Variants in AHCYL2 observed in about 807,000 individuals in gnomAD.
AHCYL2 encodes adenosylhomocysteinase like 2.
A neutral mutation model predicts 81.4 loss-of-function variants in AHCYL2; 28 were observed. That is an observed-to-expected ratio of 0.34 (90% CI 0.25 to 0.47). AHCYL2 has a LOEUF of 0.47. Among genes scored for constraint, AHCYL2 ranks in the 20% least tolerant of loss-of-function variants. The pLI is 1.00. For synonymous variants in AHCYL2, 272 were observed against 290.2 expected (o/e 0.94, Z 0.64); for missense variants, 551 against 785.1 (o/e 0.70, Z 3.56).
At position 129,300,128 on chromosome 7, in the gene AHCYL2, A is replaced by G. The variant is rs142750625; in HGVS notation, c.363+74689A>G. Among the ~76,000 whole-genome samples, 343 of 152,300 alleles carry G rather than the reference A, an allele frequency of 2.3e-3. 2 individuals carry two copies. The highest frequency in any genetic ancestry group is 8.0e-3 in the African/African-American group (333 of 41,564). ...AATGAGGGTATCTATCAACTCAACC[A>G]TTTATCATATTACAATCCTATTATA... On this transcript the variant is annotated intron_variant, in intron 1 of 16. Transcript: ENST00000325006.
chr7:129,301,364 G>C (rs1797250931), intron 1 of AHCYL2, among the ~76,000 whole-genome samples: 1 of 152,024 alleles, frequency 6.6e-6, no homozygotes. Flanking sequence ...TTTTTAACTT[G>C]ATGTGATCTG....
intron 1 of AHCYL2, among the ~76,000 whole-genome samples, chr7:129,312,101 A>G (rs1797678250): frequency 6.6e-6 from 1 of 152,112 alleles, no homozygotes; most frequent in Middle Eastern, 3.4e-3. Flanking sequence ...CAGTCCTCCC[A>G]CCTCAGCCTC....
intron 1 of AHCYL2, among the ~76,000 whole-genome samples, chr7:129,327,700 G>T (rs1161139020): frequency 6.6e-6 from 1 of 152,136 alleles, no homozygotes; most frequent in Non-Finnish European, 1.5e-5. Flanking sequence ...TTCTGACCCG[G>T]TGATCCACCC....
intron 1 of AHCYL2, among the ~76,000 whole-genome samples, chr7:129,267,608 A>G (rs1289075614): frequency 6.6e-6 from 1 of 152,116 alleles, no homozygotes; most frequent in Non-Finnish European, 1.5e-5. Context: ...CCCCTCCCCA[A>G]GCCTTATTAG....
intron 1 of AHCYL2, among the ~76,000 whole-genome samples, chr7:129,334,260 G>C (rs1798517741): frequency 6.6e-6 from 1 of 152,232 alleles, no homozygotes; most frequent in Non-Finnish European, 1.5e-5. Flanking sequence ...AATCTGGGCT[G>C]TGGGAAGATG....
At chr7:129,366,508 G>A (rs903222405) in intron 1 of AHCYL2, among the ~76,000 whole-genome samples, 3 of 152,150 alleles carry the variant, frequency 2.0e-5, no homozygotes, top group Non-Finnish European at 4.4e-5. Flanking sequence ...TTGGCCAGGC[G>A]TGCTGGCTCA....
chr7:129,392,282 A>C (rs1319061128), intron 4 of AHCYL2, among the ~76,000 whole-genome samples: 1 of 152,212 alleles, frequency 6.6e-6, no homozygotes, highest in Non-Finnish European at 1.5e-5. Flanking sequence ...AAAATACCTT[A>C]GACTGGGTAA....
intron 3 of AHCYL2, 63 bp downstream of exon 3, chr7:129,389,262 C>G: frequency 6.3e-7 from 1 of 1,589,912 alleles, no homozygotes; most frequent in Admixed American, 1.7e-5. Context: ...ATATTAATCC[C>G]TTTTTATGTC....
chr7:129,403,690 C>T (rs1330998574), intron 7 of AHCYL2, among the ~76,000 whole-genome samples: 1 of 151,480 alleles, frequency 6.6e-6, no homozygotes, highest in East Asian at 1.9e-4. Context: ...GGTGAAACCC[C>T]GTCTCTACTA....
In AHCYL2 at chr7:129,349,691, C is replaced by G. The variant is rs975860943; in HGVS notation, c.364-29947C>G. ...AAAAAAAGCGTATGCCAACCTGATT[C>G]CATATAGAACAGCCATGGTTTATTT... On this transcript the variant is annotated intron_variant, in intron 1 of 16. Coordinates refer to ENST00000325006, the MANE Select transcript of AHCYL2 (RefSeq NM_015328.4). 1.4e-4 allele frequency among the ~76,000 whole-genome samples: 20 copies of G among 146,840 alleles called. 1 individual carries two copies. Among genetic ancestry groups the G allele is most frequent in the Middle Eastern group, 7.5e-3 (2 of 268 alleles).
chr7:129,273,321 C>CTTTTTTTTTTTTTTT (rs35236990), intron 1 of AHCYL2, among the ~76,000 whole-genome samples: 3 of 75,888 alleles, frequency 4.0e-5, no homozygotes, highest in Non-Finnish European at 6.7e-5. Flanking sequence ...TTTGCTAAGA[C>CTTTTTTTTTTTTTTT]TTTTTTTTTT....
rs559772076 is a variant in AHCYL2 at position 129,340,133 on chromosome 7, AGGAT to A, written c.364-39502_364-39499del. 9.7e-3 allele frequency among the ~76,000 whole-genome samples: 1,413 copies of A among 145,552 alleles called. 12 individuals are homozygous for A. Among genetic ancestry groups the A allele is most frequent in the Non-Finnish European group, 0.015 (1,015 of 66,154 alleles). On this transcript the variant is annotated intron_variant, in intron 1 of 16. Coordinates refer to ENST00000325006, the MANE Select transcript of AHCYL2 (RefSeq NM_015328.4). The stretch of plus-strand genomic sequence containing the variant: ...GAGGCAGGGTTTCACCGTGTTAGCC[AGGAT>A]GGTCTCGATCTCCTGACCTTGTGAT...
Position 129,379,716 on chromosome 7 carries a change from A to G in AHCYL2, c.442A>G (p.Ile148Val). 1 of 1,614,120 alleles carries G rather than the reference A, an allele frequency of 6.2e-7. No homozygotes were observed. The highest frequency in any genetic ancestry group is 8.5e-7 in the Non-Finnish European group (1 of 1,180,016). The change falls in exon 2 of 17, where the codon ATT becomes GTT. Residue 148 changes from isoleucine (I) to valine (V), a missense_variant. Physicochemically the swap from Ile to Val is conservative, Grantham distance 29. Around this residue, in one of 2 missense-constraint regions of AHCYL2, gnomAD observed 235 missense variants for 242.1 expected, o/e 0.97. Coordinates refer to ENST00000325006, the MANE Select transcript of AHCYL2 (RefSeq NM_015328.4). Reference sequence around the variant, plus strand: ...TGGACGTCGCTCTTTGTCTCGTTCCATTTCTCAGTCATCTACTGACAGCTA... The same window carrying G: ...TGGACGTCGCTCTTTGTCTCGTTCCGTTTCTCAGTCATCTACTGACAGCTA... ...KIGRRSLSRSISQSSTDSYSS... is the reference protein window; with the variant it reads ...KIGRRSLSRSVSQSSTDSYSS...
chr7:129,325,416 A>G (rs1184397889), intron 1 of AHCYL2, among the ~76,000 whole-genome samples: 2 of 152,062 alleles, frequency 1.3e-5, no homozygotes, highest in Non-Finnish European at 1.5e-5. Flanking sequence ...TCATTTGCAC[A>G]TAATGTGGGG....
At chr7:129,301,007 T>C (rs1464830972) in intron 1 of AHCYL2, among the ~76,000 whole-genome samples, 2 of 152,088 alleles carry the variant, frequency 1.3e-5, no homozygotes, top group Admixed American at 6.5e-5. Flanking sequence ...TTAGTGAAGA[T>C]GTGGTTTCAC....
Position 129,397,267 on chromosome 7 carries a change from G to A in AHCYL2, c.766G>A (p.Ala256Thr). ...LGALGAQCRWAACNIYSTLNE... is the reference protein window; with the variant it reads ...LGALGAQCRWTACNIYSTLNE... ...TGCTCTGGGGGCCCAGTGCCGATGG[G>A]CTGCCTGCAACATCTATTCCACTCT... The change falls in exon 5 of 17, where the codon GCT becomes ACT. Residue 256 changes from alanine (A) to threonine (T), a missense_variant. Coordinates refer to ENST00000325006, the MANE Select transcript of AHCYL2 (RefSeq NM_015328.4). 1.2e-6 allele frequency: 2 copies of A among 1,614,128 alleles called. No individual in the cohort carries two copies. The highest frequency in any genetic ancestry group is 1.1e-5 in the South Asian group (1 of 91,076).
intron 13 of AHCYL2, among the ~76,000 whole-genome samples, chr7:129,424,280 A>G (rs1219918910): frequency 1.3e-5 from 2 of 151,936 alleles, no homozygotes; most frequent in Non-Finnish European, 2.9e-5. Flanking sequence ...CACACCTGTG[A>G]TCCCAGTTAC....
Position 129,426,390 on chromosome 7 carries a change from C to T in AHCYL2, c.1709-53C>T. On this transcript the variant is annotated intron_variant, in intron 15 of 16. Transcript: ENST00000325006. The surrounding 1 kb of genome is among the most constrained non-coding windows in gnomAD (Gnocchi z 4.3). ...TAAGGCCTAGCTTGGGGACAATAGC[C>T]ATCAGATAAAAGGCATGAATGCTTA... 6.2e-7 allele frequency: 1 copy of T among 1,613,706 alleles called. No homozygotes were observed. Among genetic ancestry groups the T allele is most frequent in the Non-Finnish European group, 8.5e-7 (1 of 1,179,732 alleles).
At chr7:129,425,933 A>G (rs822039) in intron 15 of AHCYL2, among the ~76,000 whole-genome samples, 46,666 of 152,112 alleles carry the variant, frequency 0.31, 7,405 homozygotes, top group African/African-American at 0.38. Flanking sequence ...AATAAGTACT[A>G]TGTAGTCAGA....
Sources: gnomAD v4.1 joint callset for allele counts (sites outside exome capture counted in the v4.1 genomes callset) on GRCh38, gnomAD v4.1.1 for gene constraint, gnomAD v4.1.1 regional missense constraint, Gnocchi (gnomAD v3.1) non-coding constraint, MANE v1.5 for transcripts, NCBI Gene and HGNC (gene_info 2026-07-23, HGNC 2026-07-21) for gene names.